The following KIF22 variants were observed in gnomAD, a reference collection of about 807,000 sequenced individuals.
The protein encoded by KIF22 is kinesin-like protein KIF22.
KIF22 carries 62 observed loss-of-function variants against 73.0 expected under a neutral mutation model. That is an observed-to-expected ratio of 0.85 (90% CI 0.69 to 1.05). The LOEUF (loss-of-function observed/expected upper bound fraction) is 1.05, where lower values mean the gene tolerates loss of function less well. Among genes scored for constraint, KIF22 ranks in the 50% least tolerant of loss-of-function variants. The pLI, the probability that KIF22 is intolerant of heterozygous loss-of-function variation, is 0.00. For synonymous variants in KIF22, 411 were observed against 340.1 expected (o/e 1.21, Z -2.29); for missense variants, 854 against 870.1 (o/e 0.98, Z 0.23).
intron 1 of KIF22, among the ~76,000 whole-genome samples, chr16:29,795,424 T>C (rs1434484814): frequency 6.6e-6 from 1 of 152,226 alleles, no homozygotes; most frequent in African/African-American, 2.4e-5. Flanking sequence ...TGTTTCTGTG[T>C]TGGCTACGTA....
In KIF22 at chr16:29,798,784, G is replaced by A. The variant is rs1476938519; in HGVS notation, c.549+37G>A. The A allele has an allele frequency of 6.2e-7, 1 of 1,604,446 alleles. No homozygotes were observed. Among genetic ancestry groups the A allele is most frequent in the Non-Finnish European group, 8.5e-7 (1 of 1,175,110 alleles). On this transcript the variant is annotated intron_variant, in intron 4 of 13. Coordinates refer to ENST00000160827, the MANE Select transcript of KIF22 (RefSeq NM_007317.3). The surrounding 1 kb of genome is among the most constrained non-coding windows in gnomAD (Gnocchi z 4.1). Reference sequence around the variant, plus strand: ...TGCTGGTTGGGAGAGGAGCAACAAAGGGTCAAAGTAAGACCTGGTTCTAGA... The same window carrying A: ...TGCTGGTTGGGAGAGGAGCAACAAAAGGTCAAAGTAAGACCTGGTTCTAGA...
At chr16:29,804,694 T>C (rs1899288512) in intron 11 of KIF22, 120 bp from the exon 12 acceptor site, 8 of 807,546 alleles carry the variant, frequency 9.9e-6, no homozygotes, top group Admixed American at 4.0e-5. Context: ...TTGGACACAC[T>C]TGACAAGAGA....
chr16:29,804,800 C>A lies in KIF22; in HGVS notation c.1678-14C>A, dbSNP rs768772059. On this transcript the variant is annotated splice_polypyrimidine_tract_variant and intron_variant, in intron 11 of 13. Transcript: ENST00000160827. Reference sequence around the variant, plus strand: ...GGCTGCCCTGCGTGTCACTCATCTCCCTTTGCCTCCCAGCTGGAGTCCCTG... The same window carrying A: ...GGCTGCCCTGCGTGTCACTCATCTCACTTTGCCTCCCAGCTGGAGTCCCTG... 2.5e-6 allele frequency: 4 copies of A among 1,588,862 alleles called. No homozygotes were observed. In the East Asian group the frequency reaches 6.8e-5, roughly 27 times the overall value.
intron 11 of KIF22, chr16:29,804,489 G>C: frequency 1.5e-6 from 1 of 649,160 alleles, no homozygotes; most frequent in Non-Finnish European, 2.8e-6. Flanking sequence ...TTGAAAGACA[G>C]CTTATTCTTT....
rs548268135 is a variant in KIF22 at position 29,799,983 on chromosome 16, T to C, written c.1215T>C (p.Pro405=). The change falls in exon 8 of 14, where the codon CCT becomes CCC. Residue 405 remains proline (P), a synonymous_variant. Transcript: ENST00000160827. ...CAGAGGCAAAGAGAGCCCGAGGCCC[T>C]GAGGAAGAGGAGATCGGGAGCCCTG... ...GPPEAKRARG[P]EEEEIGSPEP... is the part of the protein sequence containing the mutation. The C allele has an allele frequency of 1.2e-6, 2 of 1,614,114 alleles. No homozygotes were observed. Among genetic ancestry groups the C allele is most frequent in the South Asian group, 2.2e-5 (2 of 91,084 alleles).
At chr16:29,801,537 C>T (rs1279458271) in intron 8 of KIF22, among the ~76,000 whole-genome samples, 4 of 152,180 alleles carry the variant, frequency 2.6e-5, no homozygotes, top group South Asian at 2.1e-4. Flanking sequence ...CTGCTGTGTG[C>T]ACCCAGAAAT....
At chr16:29,791,088 A>G (rs1421725221) in intron 1 of KIF22, 9 of 1,366,554 alleles carry the variant, frequency 6.6e-6, no homozygotes, top group Non-Finnish European at 8.5e-6. Flanking sequence ...AACCCCGCGC[A>G]CTTTTTCTTT....
At position 29,802,823 on chromosome 16, in the gene KIF22, CTTG is replaced by C. The variant is rs1899187323; in HGVS notation, c.1336_1338del (p.Leu446del). The C allele has an allele frequency of 1.2e-6, 2 of 1,610,816 alleles. No individual in the cohort carries two copies. The highest frequency in any genetic ancestry group is 1.7e-6 in the Non-Finnish European group (2 of 1,178,858). On this transcript the variant is annotated inframe_deletion, in exon 9 of 14. Transcript: ENST00000160827. ...CGGCCATGCTGGAGCGCCTCCTCAG[CTTG>C]GACCGTCTGCTTGCCTCCCAGGGGA... is the stretch of plus-strand genomic sequence containing the variant.
intron 1 of KIF22, among the ~76,000 whole-genome samples, chr16:29,796,268 CA>C (rs34919158): frequency 1.0e-5 from 1 of 99,496 alleles, no homozygotes; most frequent in African/African-American, 4.1e-5. Flanking sequence ...AAGACTGTCT[CA>C]AAAAAAAAAA....
intron 10 of KIF22, 33 bp from the exon 11 acceptor site, chr16:29,803,965 G>A: frequency 1.3e-6 from 2 of 1,566,412 alleles, no homozygotes; most frequent in Middle Eastern, 1.7e-4. Context: ...AGTACCCTTT[G>A]CCCTGACTCC....
chr16:29,797,049 T>TA lies in KIF22; in HGVS notation c.227_228insA (p.Ala77CysfsTer2). The stretch of plus-strand genomic sequence containing the variant: ...GGCATGGACAGCTGCTCTCTAGAGA[T>TA]TGCTAACTGGAGGAACCACCAGGAG... On this transcript the variant is annotated frameshift_variant, in exon 2 of 14. Transcript: ENST00000160827. LOFTEE classifies it high-confidence loss of function. The surrounding 1 kb of genome is among the most constrained non-coding windows in gnomAD (Gnocchi z 4.1). The TA allele has an allele frequency of 6.2e-7, 1 of 1,605,502 alleles. No homozygotes were observed. Among genetic ancestry groups the TA allele is most frequent in the Non-Finnish European group, 8.5e-7 (1 of 1,174,396 alleles).
At chr16:29,801,684 G>A (rs1325336280) in intron 8 of KIF22, among the ~76,000 whole-genome samples, 3 of 152,164 alleles carry the variant, frequency 2.0e-5, no homozygotes, top group African/African-American at 7.2e-5. Flanking sequence ...ATGATACCAG[G>A]TGGAGAATTC....
chr16:29,799,466 G>T lies in KIF22; in HGVS notation c.962G>T (p.Arg321Leu). ...CAGGGCCTCCCTCGTGTACCTTATCGGGACAGCAAGCTCACTCGCCTATTG... is the reference window on the plus strand; with the variant it reads ...CAGGGCCTCCCTCGTGTACCTTATCTGGACAGCAAGCTCACTCGCCTATTG... ...LNQGLPRVPY[R>L]DSKLTRLLQD... The change falls in exon 6 of 14, where the codon CGG becomes CTG. Residue 321 changes from arginine to leucine, a missense_variant. Around this residue, in one of 3 missense-constraint regions of KIF22, gnomAD observed 245 missense variants for 351.8 expected, o/e 0.70. Transcript: ENST00000160827. 3 of 1,614,150 alleles carry T rather than the reference G, an allele frequency of 1.9e-6. No individual in the cohort carries two copies. The highest frequency in any genetic ancestry group is 2.5e-6 in the Non-Finnish European group (3 of 1,180,034).
chr16:29,802,267 CAAAAAA>C (rs71389599), intron 8 of KIF22, among the ~76,000 whole-genome samples: 5 of 33,914 alleles, frequency 1.5e-4, no homozygotes, highest in Non-Finnish European at 1.7e-4. Context: ...GACCCTGTCT[CAAAAAA>C]AAAAAAAAAA....
At chr16:29,794,582 A>G (rs915174619) in intron 1 of KIF22, among the ~76,000 whole-genome samples, 1 of 151,834 alleles carries the variant, frequency 6.6e-6, no homozygotes, top group Non-Finnish European at 1.5e-5. Context: ...ACTTATTTCA[A>G]TTATCTTTTT....
Position 29,797,116 on chromosome 16 carries a change from C to T in KIF22, c.266+28C>T. The T allele has an allele frequency of 2.0e-6, 3 of 1,504,566 alleles. No individual in the cohort carries two copies. Among genetic ancestry groups the T allele is most frequent in the South Asian group, 2.6e-5 (2 of 78,320 alleles). 93.2% of individuals were successfully genotyped at this position (1,504,566 alleles called of 1,614,324 possible). On this transcript the variant is annotated intron_variant, in intron 2 of 13. Coordinates refer to ENST00000160827, the MANE Select transcript of KIF22 (RefSeq NM_007317.3). This position sits in a 1 kb window ranked among gnomAD's most constrained non-coding sequence, Gnocchi z 4.1. ...AAGGTTCAGGCCACTCCTCTTCCCT[C>T]ATGCCATCACCTCCCTCTCCTAGGC...
In KIF22 at chr16:29,802,892, G is replaced by A; in HGVS notation, c.1404G>A (p.Arg468=). ...TGTTGAGTACCCCAAAGCGAGAGCGGATGGTGCTAATGAAGACAGTGGAAG... is the reference window on the plus strand; with the variant it reads ...TGTTGAGTACCCCAAAGCGAGAGCGAATGGTGCTAATGAAGACAGTGGAAG... The part of the protein sequence containing the change: ...APLLSTPKRE[R]MVLMKTVEEK... The change falls in exon 9 of 14, where the codon CGG becomes CGA. Residue 468 remains arginine, a synonymous_variant. Coordinates refer to ENST00000160827, the MANE Select transcript of KIF22 (RefSeq NM_007317.3). The A allele has an allele frequency of 6.2e-7, 1 of 1,612,798 alleles. No homozygotes were observed. The highest frequency in any genetic ancestry group is 8.5e-7 in the Non-Finnish European group (1 of 1,179,536).
At position 29,798,966 on chromosome 16, in the gene KIF22, C is replaced by G; in HGVS notation, c.550-9C>G. 6.2e-7 allele frequency: 1 copy of G among 1,613,528 alleles called. No individual in the cohort carries two copies. Among genetic ancestry groups the G allele is most frequent in the Non-Finnish European group, 8.5e-7 (1 of 1,179,404 alleles). On this transcript the variant is annotated splice_polypyrimidine_tract_variant and intron_variant, in intron 4 of 13. Coordinates refer to ENST00000160827, the MANE Select transcript of KIF22 (RefSeq NM_007317.3). The surrounding 1 kb of genome is among the most constrained non-coding windows in gnomAD (Gnocchi z 4.1). ...GGAGAATTGCCCTTCCCCTTCACTG[C>G]TTACACAGGTATTAGACCTCCTGGA... is the stretch of plus-strand genomic sequence containing the variant.
At chr16:29,791,619 C>T (rs1898819036) in intron 1 of KIF22, among the ~76,000 whole-genome samples, 1 of 152,186 alleles carries the variant, frequency 6.6e-6, no homozygotes, top group African/African-American at 2.4e-5. Context: ...TTGCTATGTG[C>T]CAGGCACAGT....
Sources: gnomAD v4.1 joint callset for allele counts (sites outside exome capture counted in the v4.1 genomes callset) on GRCh38, gnomAD v4.1.1 for gene constraint, gnomAD v4.1.1 regional missense constraint, Gnocchi (gnomAD v3.1) non-coding constraint, MANE v1.5 for transcripts, NCBI Gene and HGNC (gene_info 2026-07-23, HGNC 2026-07-21) for gene names.